Variants in POLR2I observed in about 807,000 individuals in gnomAD.
POLR2I encodes the protein RNA polymerase II subunit I.
POLR2I carries 15 observed loss-of-function variants against 23.0 expected under a neutral mutation model. That is an observed-to-expected ratio of 0.65 (90% CI 0.44 to 1.00). The LOEUF (loss-of-function observed/expected upper bound fraction) is 1.00. POLR2I is among the 50% of genes least tolerant of loss of function. The pLI is 0.00. For missense variants in POLR2I, 120 were observed against 173.7 expected, an observed-to-expected ratio of 0.69 and a Z score of 1.74; for synonymous variants, 72 against 65.4, an observed-to-expected ratio of 1.10 and a Z score of -0.49.
At position 36,114,639 on chromosome 19, in the gene POLR2I, G is replaced by A; in HGVS notation, c.114+20C>T. 6.3e-7 allele frequency: 1 copy of A among 1,599,050 alleles called. No homozygotes were observed. ...ACGCTGGGAACAGGTGGACCTGCCG[G>A]GGAAGACCCCGGCGCTCACCGCGTA... On this transcript the variant is annotated intron_variant, in intron 2 of 5. Transcript: ENST00000221859. This position sits in a 1 kb window ranked among gnomAD's most constrained non-coding sequence, Gnocchi z 4.5.
rs1973906770 is a variant in POLR2I, at chr19:36,114,557, G to T, written c.114+102C>A. The stretch of plus-strand genomic sequence containing the variant: ...GACATGAGAGTCAGGATCACTTGAG[G>T]TGCAGCGGAGGGCGAACAGGGAGTC... On this transcript the variant is annotated intron_variant, in intron 2 of 5. Coordinates refer to ENST00000221859, the MANE Select transcript of POLR2I (RefSeq NM_006233.5). This position sits in a 1 kb window ranked among gnomAD's most constrained non-coding sequence, Gnocchi z 4.5. The T allele has an allele frequency of 1.5e-6, 2 of 1,325,150 alleles. No homozygotes were observed. Among genetic ancestry groups the T allele is most frequent in the Non-Finnish European group, 2.2e-6 (2 of 929,818 alleles). The allele number at this position is 1,325,150 out of a possible 1,614,324, so 82.1% of individuals were successfully genotyped here.
rs1401030747 is a variant in POLR2I, at chr19:36,114,644, G to A, written c.114+15C>T. ...GGGAACAGGTGGACCTGCCGGGGAA[G>A]ACCCCGGCGCTCACCGCGTAGAGCA... On this transcript the variant is annotated intron_variant, in intron 2 of 5. Coordinates refer to ENST00000221859, the MANE Select transcript of POLR2I (RefSeq NM_006233.5). The surrounding 1 kb of genome is among the most constrained non-coding windows in gnomAD (Gnocchi z 4.5). 4 of 1,599,642 alleles carry A rather than the reference G, an allele frequency of 2.5e-6. No individual in the cohort carries two copies. The East Asian group carries it at 9.0e-5, about 36-fold the overall frequency.
chr19:36,114,471 G>C lies in POLR2I; in HGVS notation c.115-59C>G, dbSNP rs141686471. Reference sequence around the variant, plus strand: ...ACGGAAGGATTCCAGACAAGATTGGGAGGAGAGGGCAGGGTGATCCCGGAG... The same window carrying C: ...ACGGAAGGATTCCAGACAAGATTGGCAGGAGAGGGCAGGGTGATCCCGGAG... On this transcript the variant is annotated intron_variant, in intron 2 of 5. Coordinates refer to ENST00000221859, the MANE Select transcript of POLR2I (RefSeq NM_006233.5). This position sits in a 1 kb window ranked among gnomAD's most constrained non-coding sequence, Gnocchi z 4.5. 6.1e-5 allele frequency: 92 copies of C among 1,519,342 alleles called. No homozygotes were observed. In the African/African-American group the frequency reaches 8.1e-4, roughly 13 times the overall value. The allele number at this position is 1,519,342 out of a possible 1,614,324, so 94.1% of individuals were successfully genotyped here. A position where few individuals can be genotyped will look rare whatever the true frequency, so the allele number is the denominator to read the frequency against.
In POLR2I at chr19:36,113,903, G is replaced by T. The variant is rs2145902912; in HGVS notation, c.316-86C>A. On this transcript the variant is annotated intron_variant, in intron 5 of 5. Coordinates refer to ENST00000221859, the MANE Select transcript of POLR2I (RefSeq NM_006233.5). ...AACAGGCAAGAGAACTTCACCAATA[G>T]GTAAGGGCCCGGCAGAGTTCCAAGA... The T allele has an allele frequency of 1.9e-6, 3 of 1,579,426 alleles. No homozygotes were observed. In the South Asian group the frequency reaches 3.3e-5, roughly 17 times the overall value.
chr19:36,114,190 G>A lies in POLR2I; in HGVS notation c.250C>T (p.His84Tyr), dbSNP rs767816881. ...QDPTLPRTEDHPCQKCGHKEA... is the reference protein window; with the variant it reads ...QDPTLPRTEDYPCQKCGHKEA... ...CTGAACGCTCACTTTTGGCACGGGT[G>A]GTCCTCGGTCCGCGGCAACGTGGGG... is the stretch of plus-strand genomic sequence containing the variant. The change falls in exon 4 of 6, where the codon CAC becomes TAC. Residue 84 changes from histidine to tyrosine, a missense_variant. Transcript: ENST00000221859. This position sits in a 1 kb window ranked among gnomAD's most constrained non-coding sequence, Gnocchi z 4.5. 6.2e-7 allele frequency: 1 copy of A among 1,614,130 alleles called. No homozygotes were observed. The highest frequency in any genetic ancestry group is 2.2e-5 in the East Asian group (1 of 44,876).
In POLR2I at chr19:36,114,263, C is replaced by CG; in HGVS notation, c.189-13dup. 1 of 1,613,750 alleles carries CG rather than the reference C, an allele frequency of 6.2e-7. No individual in the cohort carries two copies. The highest frequency in any genetic ancestry group is 8.5e-7 in the Non-Finnish European group (1 of 1,179,904). On this transcript the variant is annotated splice_polypyrimidine_tract_variant and intron_variant, in intron 3 of 5. Transcript: ENST00000221859. The surrounding 1 kb of genome is among the most constrained non-coding windows in gnomAD (Gnocchi z 4.5). ...TCTGGGTCAGTTCGCTGCAGGGACGCGGGGGTGCAAAATTACGCTCAGACC... is the reference window on the plus strand; with the variant it reads ...TCTGGGTCAGTTCGCTGCAGGGACGCGGGGGGTGCAAAATTACGCTCAGACC...
chr19:36,114,747 T>G lies in POLR2I; in HGVS notation c.60-34A>C. On this transcript the variant is annotated intron_variant, in intron 1 of 5. Transcript: ENST00000221859. This position sits in a 1 kb window ranked among gnomAD's most constrained non-coding sequence, Gnocchi z 4.5. ...AGGGGGAGGTGCCAGGGGTTAGTTC[T>G]GGAGCCATTCCTCGCCCGCCTTCTA... 6.2e-7 allele frequency: 1 copy of G among 1,613,816 alleles called. No homozygotes were observed. Among genetic ancestry groups the G allele is most frequent in the Non-Finnish European group, 8.5e-7 (1 of 1,179,708 alleles).
Position 36,114,260 on chromosome 19 carries a change from A to G in POLR2I, c.189-9T>C. On this transcript the variant is annotated splice_polypyrimidine_tract_variant and intron_variant, in intron 3 of 5. Coordinates refer to ENST00000221859, the MANE Select transcript of POLR2I (RefSeq NM_006233.5). This position sits in a 1 kb window ranked among gnomAD's most constrained non-coding sequence, Gnocchi z 4.5. ...TAATCTGGGTCAGTTCGCTGCAGGG[A>G]CGCGGGGGTGCAAAATTACGCTCAG... The G allele has an allele frequency of 6.2e-7, 1 of 1,613,924 alleles. No individual in the cohort carries two copies. Among genetic ancestry groups the G allele is most frequent in the Non-Finnish European group, 8.5e-7 (1 of 1,179,938 alleles).
chr19:36,113,722 C>T lies in POLR2I; in HGVS notation c.*33G>A, dbSNP rs200166261. 3 of 1,608,216 alleles carry T rather than the reference C, an allele frequency of 1.9e-6. No homozygotes were observed. The highest frequency in any genetic ancestry group is 2.5e-6 in the Non-Finnish European group (3 of 1,177,296). On this transcript the variant is annotated 3_prime_UTR_variant, in exon 6 of 6. Transcript: ENST00000221859. ...AACACAGAAAACTCACGCATGGAAT[C>T]TGGTGTTTATTACACTCGGGGGAGA...
chr19:36,114,624 C>G lies in POLR2I; in HGVS notation c.114+35G>C. ...GGGCAGGGCGGGGCCACGCTGGGAACAGGTGGACCTGCCGGGGAAGACCCC... is the reference window on the plus strand; with the variant it reads ...GGGCAGGGCGGGGCCACGCTGGGAAGAGGTGGACCTGCCGGGGAAGACCCC... On this transcript the variant is annotated intron_variant, in intron 2 of 5. Transcript: ENST00000221859. The surrounding 1 kb of genome is among the most constrained non-coding windows in gnomAD (Gnocchi z 4.5). The G allele has an allele frequency of 6.3e-7, 1 of 1,588,406 alleles. No individual in the cohort carries two copies. Among genetic ancestry groups the G allele is most frequent in the Non-Finnish European group, 8.6e-7 (1 of 1,162,034 alleles).
Position 36,114,100 on chromosome 19 carries a change from C to A in POLR2I, c.264-34G>T. ...GTAGGGGCTCGGTCACCGGAGGCTT[C>A]ACACCCTTCCCTCCTCCCTTCGCCC... On this transcript the variant is annotated intron_variant, in intron 4 of 5. Transcript: ENST00000221859. The surrounding 1 kb of genome is among the most constrained non-coding windows in gnomAD (Gnocchi z 4.5). 1 of 1,613,786 alleles carries A rather than the reference C, an allele frequency of 6.2e-7. No homozygotes were observed. The highest frequency in any genetic ancestry group is 8.5e-7 in the Non-Finnish European group (1 of 1,179,762).
rs1973905514 is a variant in POLR2I, at chr19:36,114,493, G to A, written c.115-81C>T. ...TGGGAGGAGAGGGCAGGGTGATCCCGGAGGATATGACGACAGGACTCTCTT... is the reference window on the plus strand; with the variant it reads ...TGGGAGGAGAGGGCAGGGTGATCCCAGAGGATATGACGACAGGACTCTCTT... On this transcript the variant is annotated intron_variant, in intron 2 of 5. Transcript: ENST00000221859. The surrounding 1 kb of genome is among the most constrained non-coding windows in gnomAD (Gnocchi z 4.5). The A allele has an allele frequency of 1.4e-6, 2 of 1,417,224 alleles. No individual in the cohort carries two copies. Among genetic ancestry groups the A allele is most frequent in the Non-Finnish European group, 2.0e-6 (2 of 1,005,328 alleles). The allele number at this position is 1,417,224 out of a possible 1,614,324, so 87.8% of individuals were successfully genotyped here.
Position 36,114,261 on chromosome 19 carries a change from C to A in POLR2I, c.189-10G>T, listed in dbSNP as rs577534375. 1.2e-5 allele frequency: 20 copies of A among 1,613,700 alleles called. No homozygotes were observed. The highest frequency in any genetic ancestry group is 8.9e-5 in the East Asian group (4 of 44,864). On this transcript the variant is annotated splice_polypyrimidine_tract_variant and intron_variant, in intron 3 of 5. Coordinates refer to ENST00000221859, the MANE Select transcript of POLR2I (RefSeq NM_006233.5). This position sits in a 1 kb window ranked among gnomAD's most constrained non-coding sequence, Gnocchi z 4.5. ...AATCTGGGTCAGTTCGCTGCAGGGA[C>A]GCGGGGGTGCAAAATTACGCTCAGA... is the stretch of plus-strand genomic sequence containing the variant.
Position 36,114,086 on chromosome 19 carries a change from G to A in POLR2I, c.264-20C>T. 1 of 1,613,874 alleles carries A rather than the reference G, an allele frequency of 6.2e-7. No homozygotes were observed. The highest frequency in any genetic ancestry group is 8.5e-7 in the Non-Finnish European group (1 of 1,179,892). ...CCGCACCTGAGAGGGTAGGGGCTCGGTCACCGGAGGCTTCACACCCTTCCC... is the reference window on the plus strand; with the variant it reads ...CCGCACCTGAGAGGGTAGGGGCTCGATCACCGGAGGCTTCACACCCTTCCC... On this transcript the variant is annotated intron_variant, in intron 4 of 5. Transcript: ENST00000221859. This position sits in a 1 kb window ranked among gnomAD's most constrained non-coding sequence, Gnocchi z 4.5.
chr19:36,114,386 C>T lies in POLR2I; in HGVS notation c.141G>A (p.Glu47=). ...TGACATAGATGCAGCTGTTGTCGGC[C>T]TCCTGCTGGTAATCACAGTTCCGGC... ...YACRNCDYQQ[E]ADNSCIYVNK... The change falls in exon 3 of 6, where the codon GAG becomes GAA. Residue 47 remains glutamate, a synonymous_variant. Coordinates refer to ENST00000221859, the MANE Select transcript of POLR2I (RefSeq NM_006233.5). The surrounding 1 kb of genome is among the most constrained non-coding windows in gnomAD (Gnocchi z 4.5). 1 of 1,614,116 alleles carries T rather than the reference C, an allele frequency of 6.2e-7. No individual in the cohort carries two copies. Among genetic ancestry groups the T allele is most frequent in the Non-Finnish European group, 8.5e-7 (1 of 1,180,024 alleles).
chr19:36,114,416 C>G lies in POLR2I; in HGVS notation c.115-4G>C. ...GCTGGTAATCACAGTTCCGGCACTACGAGAGGGCGAGTGTGGGGGAAAGGG... is the reference window on the plus strand; with the variant it reads ...GCTGGTAATCACAGTTCCGGCACTAGGAGAGGGCGAGTGTGGGGGAAAGGG... On this transcript the variant is annotated splice_polypyrimidine_tract_variant and splice_region_variant and intron_variant, in intron 2 of 5. Coordinates refer to ENST00000221859, the MANE Select transcript of POLR2I (RefSeq NM_006233.5). This position sits in a 1 kb window ranked among gnomAD's most constrained non-coding sequence, Gnocchi z 4.5. The G allele has an allele frequency of 6.2e-7, 1 of 1,613,512 alleles. No homozygotes were observed.
At chr19:36,113,920 G>C in intron 5 of POLR2I, 95 bp downstream of exon 5, 1 of 1,575,366 alleles carries the variant, frequency 6.3e-7, no homozygotes, top group South Asian at 1.1e-5. Flanking sequence ...GCCCGGCAGA[G>C]TTCCAAGAAG....
chr19:36,114,373 A>C lies in POLR2I; in HGVS notation c.154T>G (p.Cys52Gly), dbSNP rs564277934. The change falls in exon 3 of 6, where the codon TGC becomes GGC. Residue 52 changes from cysteine to glycine, a missense_variant. Coordinates refer to ENST00000221859, the MANE Select transcript of POLR2I (RefSeq NM_006233.5). The surrounding 1 kb of genome is among the most constrained non-coding windows in gnomAD (Gnocchi z 4.5). ...TGCGTGATCTTGTTGACATAGATGC[A>C]GCTGTTGTCGGCCTCCTGCTGGTAA... is the stretch of plus-strand genomic sequence containing the variant. The part of the protein sequence containing the change: ...CDYQQEADNS[C>G]IYVNKITHEV... 2 of 1,614,124 alleles carry C rather than the reference A, an allele frequency of 1.2e-6. No homozygotes were observed. Among genetic ancestry groups the C allele is most frequent in the East Asian group, 4.5e-5 (2 of 44,890 alleles).
At position 36,114,468 on chromosome 19, in the gene POLR2I, T is replaced by A; in HGVS notation, c.115-56A>T. ...GTCACGGAAGGATTCCAGACAAGAT[T>A]GGGAGGAGAGGGCAGGGTGATCCCG... On this transcript the variant is annotated intron_variant, in intron 2 of 5. Coordinates refer to ENST00000221859, the MANE Select transcript of POLR2I (RefSeq NM_006233.5). The surrounding 1 kb of genome is among the most constrained non-coding windows in gnomAD (Gnocchi z 4.5). The A allele has an allele frequency of 6.5e-7, 1 of 1,540,308 alleles. No homozygotes were observed. The highest frequency in any genetic ancestry group is 1.1e-5 in the South Asian group (1 of 89,554).
Sources: gnomAD v4.1 joint callset for allele counts on GRCh38, gnomAD v4.1.1 for gene constraint, Gnocchi (gnomAD v3.1) non-coding constraint, MANE v1.5 for transcripts, NCBI Gene and HGNC (gene_info 2026-07-23, HGNC 2026-07-21) for gene names.